The following GNG12 variants were observed in gnomAD, a reference collection of about 807,000 sequenced individuals.
GNG12 encodes the protein G protein subunit gamma 12, also known as guanine nucleotide-binding protein G(I)/G(S)/G(O) subunit gamma-12.
For missense variants in GNG12, 69 were observed against 83.8 expected (o/e 0.82, Z 0.69); for synonymous variants, 28 against 29.7 (o/e 0.94, Z 0.19).
chr1:67,706,653 TTTC>T (rs891032643), intron 3 of GNG12, among the ~76,000 whole-genome samples: 2 of 89,896 alleles, frequency 2.2e-5, no homozygotes, highest in East Asian at 5.5e-4. Flanking sequence ...TTTTCTTTTC[TTTC>T]TTTTTTTTTT....
Position 67,741,240 on chromosome 1 carries a change from G to A in GNG12, c.-26-33528C>T, listed in dbSNP as rs542177305. Among the ~76,000 whole-genome samples the A allele has an allele frequency of 2.6e-5, 4 of 152,314 alleles. No homozygotes were observed. The South Asian group carries it at 6.2e-4, about 24-fold the overall frequency. ...CTTAAGGTTTTGTTTGCTTTTTAAA[G>A]CTTCTCTGGCCTTTGGGAGAAATAA... On this transcript the variant is annotated intron_variant, in intron 2 of 3. Coordinates refer to ENST00000370982, the MANE Select transcript of GNG12 (RefSeq NM_018841.6).
At chr1:67,753,127 A>G (rs765440431) in intron 2 of GNG12, among the ~76,000 whole-genome samples, 37 of 152,358 alleles carry the variant, frequency 2.4e-4, no homozygotes, top group Middle Eastern at 3.4e-3. Flanking sequence ...AGCACATGGA[A>G]CACTGCTGAA....
intron 2 of GNG12, among the ~76,000 whole-genome samples, chr1:67,714,911 G>A (rs188855211): frequency 5.3e-5 from 8 of 151,556 alleles, no homozygotes; most frequent in African/African-American, 2.0e-4. Context: ...GGGAGAAAAC[G>A]GCCATCTTTT....
At chr1:67,778,738 GTTTGCC>G (rs1557614429) in intron 1 of GNG12, among the ~76,000 whole-genome samples, 2 of 152,066 alleles carry the variant, frequency 1.3e-5, no homozygotes, top group African/African-American at 4.8e-5. Context: ...AATCTAAGTC[GTTTGCC>G]TCCAGAGTCC....
At chr1:67,794,767 AGG>A in intron 1 of GNG12, among the ~76,000 whole-genome samples, 1 of 152,360 alleles carries the variant, frequency 6.6e-6, no homozygotes, top group South Asian at 2.1e-4. Flanking sequence ...TCAAGCTTAT[AGG>A]GCAAGTATGA....
At chr1:67,823,662 GC>G (rs1646995727) in intron 1 of GNG12, among the ~76,000 whole-genome samples, 1 of 152,186 alleles carries the variant, frequency 6.6e-6, no homozygotes, top group African/African-American at 2.4e-5. Flanking sequence ...AATAAGAAGA[GC>G]TGACACTTTT....
At chr1:67,736,913 G>A (rs183936122) in intron 2 of GNG12, among the ~76,000 whole-genome samples, 1 of 152,324 alleles carries the variant, frequency 6.6e-6, no homozygotes, top group Non-Finnish European at 1.5e-5. Flanking sequence ...AATGTCCACA[G>A]CAACACTGGA....
At position 67,833,387 on chromosome 1, in the gene GNG12, T is replaced by G. The variant is rs934470579; in HGVS notation, c.-120A>C. 3 of 984,962 alleles carry G rather than the reference T, an allele frequency of 3.0e-6. No individual in the cohort carries two copies. In the African/African-American group the frequency reaches 5.3e-5, roughly 17 times the overall value. 61.0% of individuals were successfully genotyped at this position (984,962 alleles called of 1,614,324 possible). On this transcript the variant is annotated 5_prime_UTR_variant, in exon 1 of 4. Transcript: ENST00000370982. The stretch of plus-strand genomic sequence containing the variant: ...CCCCGCCGTCGCCGCCGGGACTCGG[T>G]CTCTAAGGGCTCCTGGAGACGGCTC...
At chr1:67,821,933 C>T (rs1006531505) in intron 1 of GNG12, among the ~76,000 whole-genome samples, 4 of 151,850 alleles carry the variant, frequency 2.6e-5, no homozygotes, top group African/African-American at 9.7e-5. Flanking sequence ...AGGTGATTTG[C>T]CCAGGAGACT....
intron 1 of GNG12, among the ~76,000 whole-genome samples, chr1:67,818,408 C>T (rs1047498363): frequency 1.6e-5 from 2 of 128,684 alleles, no homozygotes; most frequent in Non-Finnish European, 3.1e-5. Context: ...GGGGAAAGAC[C>T]AGGGGTTTTT....
chr1:67,728,748 C>T (rs1445652426), intron 2 of GNG12, among the ~76,000 whole-genome samples: 1 of 152,126 alleles, frequency 6.6e-6, no homozygotes, highest in Non-Finnish European at 1.5e-5. Flanking sequence ...ACCAAGGGAG[C>T]TCTAAAGCAG....
At chr1:67,756,981 G>A (rs190018601) in intron 2 of GNG12, among the ~76,000 whole-genome samples, 1 of 152,294 alleles carries the variant, frequency 6.6e-6, no homozygotes, top group East Asian at 1.9e-4. Flanking sequence ...CTTCCTCCAT[G>A]CTATAGTACG....
chr1:67,828,845 C>G (rs919829836), intron 1 of GNG12, among the ~76,000 whole-genome samples: 1 of 152,226 alleles, frequency 6.6e-6, no homozygotes, highest in Non-Finnish European at 1.5e-5. Flanking sequence ...GAAAGGCCTT[C>G]TCTTTTACCG....
At chr1:67,781,865 T>C (rs1202831637) in intron 1 of GNG12, among the ~76,000 whole-genome samples, 1 of 152,176 alleles carries the variant, frequency 6.6e-6, no homozygotes, top group African/African-American at 2.4e-5. Context: ...AATTCTGATG[T>C]GATCTAGTTA....
rs752059593 is a variant in GNG12 at position 67,707,658 on chromosome 1, T to C, written c.29A>G (p.Asn10Ser). 1.2e-5 allele frequency: 20 copies of C among 1,606,926 alleles called. No individual in the cohort carries two copies. Among genetic ancestry groups the C allele is most frequent in the African/African-American group, 6.7e-5 (5 of 74,500 alleles). The change falls in exon 3 of 4, where the codon AAT becomes AGT. Residue 10 changes from asparagine (N) to serine (S), a missense_variant. By Grantham distance (46) the Asn-to-Ser change is conservative. Coordinates refer to ENST00000370982, the MANE Select transcript of GNG12 (RefSeq NM_018841.6). Reference protein sequence around the residue: MSSKTASTNNIAQARRTVQQ... With the variant: MSSKTASTNSIAQARRTVQQ... The stretch of plus-strand genomic sequence containing the variant: ...CACAGTTCTCCTTGCCTGGGCTATA[T>C]TGTTGGTGCTTGCTGTTTTGCTGGA...
chr1:67,739,111 G>A (rs1242766553), intron 2 of GNG12, among the ~76,000 whole-genome samples: 1 of 152,132 alleles, frequency 6.6e-6, no homozygotes, highest in Admixed American at 6.5e-5. Flanking sequence ...CCTAGGAGGC[G>A]GAGGTTGTGG....
intron 2 of GNG12, among the ~76,000 whole-genome samples, chr1:67,718,000 A>G (rs1326648760): frequency 6.6e-6 from 1 of 152,244 alleles, no homozygotes; most frequent in East Asian, 1.9e-4. Context: ...GAGAGAGCAC[A>G]TATGAGTTGC....
intron 1 of GNG12, among the ~76,000 whole-genome samples, chr1:67,787,069 G>GTGTATA (rs766685047): frequency 1.2e-4 from 17 of 145,816 alleles, no homozygotes; most frequent in African/African-American, 4.5e-4. Context: ...GTGTGTGTGT[G>GTGTATA]TATAGTCCCC....
At chr1:67,790,411 G>GA (rs900684817) in intron 1 of GNG12, among the ~76,000 whole-genome samples, 45 of 151,928 alleles carry the variant, frequency 3.0e-4, no homozygotes, top group African/African-American at 9.4e-4. Flanking sequence ...CCAGAGCCAA[G>GA]AAAAAAAATC....
Sources: gnomAD v4.1 joint callset for allele counts (sites outside exome capture counted in the v4.1 genomes callset) on GRCh38, gnomAD v4.1.1 for gene constraint, MANE v1.5 for transcripts, NCBI Gene and HGNC (gene_info 2026-07-23, HGNC 2026-07-21) for gene names.